Variants in AGBL4 observed in about 807,000 individuals in gnomAD.
AGBL4 encodes cytosolic carboxypeptidase 6.
Under a neutral mutation model 66.4 loss-of-function variants are expected in AGBL4, and 58 were observed. The observed-to-expected ratio is 0.87, with a 90% confidence interval of 0.71 to 1.09. AGBL4 has a LOEUF of 1.09. AGBL4 is among the 50% of genes least tolerant of loss of function. AGBL4 has a pLI of 0.00. For missense variants in AGBL4, 579 were observed against 631.0 expected (o/e 0.92, Z 0.88); for synonymous variants, 234 against 222.9 (o/e 1.05, Z -0.44).
chr1:48,559,322 G>C (rs1644363738), intron 11 of AGBL4, among the ~76,000 whole-genome samples: 1 of 152,168 alleles, frequency 6.6e-6, no homozygotes, highest in Non-Finnish European at 1.5e-5. Flanking sequence ...GTTAGTACCT[G>C]TATGCAGGAA....
chr1:49,596,060 G>T (rs867706522), intron 3 of AGBL4, among the ~76,000 whole-genome samples: 1 of 152,090 alleles, frequency 6.6e-6, no homozygotes, highest in South Asian at 2.1e-4. Flanking sequence ...GAAAGAATGA[G>T]AATTTTGACC....
At chr1:48,582,172 G>A (rs933600608) in intron 11 of AGBL4, among the ~76,000 whole-genome samples, 4 of 152,088 alleles carry the variant, frequency 2.6e-5, no homozygotes, top group African/African-American at 9.7e-5. Flanking sequence ...CTAGCTGCCC[G>A]GGACACTTTT....
chr1:49,288,296 A>G (rs1170867979), intron 3 of AGBL4, among the ~76,000 whole-genome samples: 1 of 150,818 alleles, frequency 6.6e-6, no homozygotes, highest in East Asian at 2.0e-4. Flanking sequence ...GCACACCAGC[A>G]TGGCACATGT....
At chr1:48,575,383 G>T (rs1219452274) in intron 11 of AGBL4, among the ~76,000 whole-genome samples, 2 of 152,168 alleles carry the variant, frequency 1.3e-5, no homozygotes, top group African/African-American at 2.4e-5. Flanking sequence ...GGGCAGGCGG[G>T]TGTTACTTGG....
At chr1:49,269,172 C>T (rs1402323290) in intron 3 of AGBL4, 1 of 152,136 alleles carries the variant, frequency 6.6e-6, no homozygotes, top group Non-Finnish European at 1.5e-5. Context: ...AGACGGTTGA[C>T]TTCCAAATAT....
At chr1:48,852,015 C>CTTTT (rs138826187) in intron 6 of AGBL4, among the ~76,000 whole-genome samples, 4 of 71,934 alleles carry the variant, frequency 5.6e-5, no homozygotes, top group African/African-American at 1.0e-4. Flanking sequence ...CAGATACGTA[C>CTTTT]TTTTTTTTTT....
At chr1:48,971,370 C>T (rs1300512439) in intron 5 of AGBL4, among the ~76,000 whole-genome samples, 1 of 152,070 alleles carries the variant, frequency 6.6e-6, no homozygotes, top group Non-Finnish European at 1.5e-5. Context: ...CCATCTCCCC[C>T]TCCACCCCCA....
chr1:49,119,388 G>A lies in AGBL4; in HGVS notation c.378-73588C>T, dbSNP rs147622409. On this transcript the variant is annotated intron_variant, in intron 4 of 13. Coordinates refer to ENST00000371839, the MANE Select transcript of AGBL4 (RefSeq NM_032785.4). ...CTTTAAATGTGTTCCAGAGATTCTGGTACATTGTGTCTTTGTTCTCATTGG... is the reference window on the plus strand; with the variant it reads ...CTTTAAATGTGTTCCAGAGATTCTGATACATTGTGTCTTTGTTCTCATTGG... Among the ~76,000 whole-genome samples the A allele has an allele frequency of 3.3e-3, 500 of 152,208 alleles. 8 individuals are homozygous for A. The highest frequency in any genetic ancestry group is 0.011 in the African/African-American group (454 of 41,554).
intron 9 of AGBL4, among the ~76,000 whole-genome samples, chr1:48,609,816 T>C (rs1313442213): frequency 1.3e-5 from 2 of 152,212 alleles, no homozygotes; most frequent in Non-Finnish European, 2.9e-5. Context: ...CTCCTATTTA[T>C]CCTTTAAGAC....
At chr1:49,971,525 A>G (rs1373243583) in intron 1 of AGBL4, among the ~76,000 whole-genome samples, 1 of 152,182 alleles carries the variant, frequency 6.6e-6, no homozygotes, top group Non-Finnish European at 1.5e-5. Flanking sequence ...CTTAATAAGG[A>G]AAGAAAAAAG....
chr1:49,057,093 C>G (rs1312455796), intron 4 of AGBL4, among the ~76,000 whole-genome samples: 6 of 152,152 alleles, frequency 3.9e-5, no homozygotes. Context: ...GTTCCCTTCT[C>G]TGCATAGCCT....
At chr1:49,544,136 G>C (rs1652292170) in intron 3 of AGBL4, among the ~76,000 whole-genome samples, 1 of 152,130 alleles carries the variant, frequency 6.6e-6, no homozygotes, top group Non-Finnish European at 1.5e-5. Context: ...TTTCAGGAAT[G>C]CCCTGCTTTA....
chr1:49,726,804 T>C (rs1410613024), intron 2 of AGBL4, among the ~76,000 whole-genome samples: 3 of 152,236 alleles, frequency 2.0e-5, no homozygotes, highest in Non-Finnish European at 4.4e-5. Context: ...ATTCACTTAA[T>C]TCTCTCCCAC....
chr1:49,270,865 C>A (rs551810715), intron 3 of AGBL4, among the ~76,000 whole-genome samples: 1 of 152,088 alleles, frequency 6.6e-6, no homozygotes, highest in Non-Finnish European at 1.5e-5. Flanking sequence ...AAACAATTGA[C>A]GAGAATATCA....
chr1:48,638,493 T>C lies in AGBL4; in HGVS notation c.840-3889A>G, dbSNP rs573636923. On this transcript the variant is annotated intron_variant, in intron 8 of 13. Coordinates refer to ENST00000371839, the MANE Select transcript of AGBL4 (RefSeq NM_032785.4). ...GAGAATTCTCAGAAACACATAAACA[T>C]TGAACAAACTATAGCCAGTGATGGC... 6.6e-5 allele frequency among the ~76,000 whole-genome samples: 10 copies of C among 152,340 alleles called. No individual in the cohort carries two copies. The East Asian group carries it at 1.5e-3, about 23-fold the overall frequency.
In AGBL4 at chr1:49,464,018, G is replaced by A. The variant is rs951643831; in HGVS notation, c.283-218154C>T. ...AATAAACACATGTTGATTAATTTGA[G>A]TGAATACAAAGATGACTGAGAGACA... On this transcript the variant is annotated intron_variant, in intron 3 of 13. Coordinates refer to ENST00000371839, the MANE Select transcript of AGBL4 (RefSeq NM_032785.4). 4.0e-5 allele frequency among the ~76,000 whole-genome samples: 6 copies of A among 151,726 alleles called. No homozygotes were observed. In the East Asian group the frequency reaches 9.8e-4, roughly 25 times the overall value.
At chr1:49,837,439 G>C (rs1055330253) in intron 2 of AGBL4, among the ~76,000 whole-genome samples, 1 of 152,124 alleles carries the variant, frequency 6.6e-6, no homozygotes, top group African/African-American at 2.4e-5. Context: ...GTTAAAAACT[G>C]GTCATGAACA....
At chr1:49,954,385 G>T (rs1431035580) in intron 1 of AGBL4, among the ~76,000 whole-genome samples, 1 of 151,984 alleles carries the variant, frequency 6.6e-6, no homozygotes, top group Non-Finnish European at 1.5e-5. Context: ...AGGAATTAAT[G>T]TCATTATCAT....
At chr1:49,543,913 T>G (rs1652273195) in intron 3 of AGBL4, among the ~76,000 whole-genome samples, 1 of 152,188 alleles carries the variant, frequency 6.6e-6, no homozygotes, top group Non-Finnish European at 1.5e-5. Flanking sequence ...AACAAAAAAC[T>G]GTTGGATCCA....
Sources: allele counts gnomAD v4.1 joint callset (sites outside exome capture counted in the v4.1 genomes callset), GRCh38; gene constraint gnomAD v4.1.1; transcripts MANE v1.5; gene names NCBI Gene and HGNC (gene_info 2026-07-23, HGNC 2026-07-21).